Variants in ATOSA observed in about 807,000 individuals in gnomAD.
ATOSA encodes atos homolog A, also known as atos homolog protein A.
chr15:52,628,740 G>C, the ATOSA span, among the ~76,000 whole-genome samples: 1 of 152,080 alleles, frequency 6.6e-6, no homozygotes, highest in Non-Finnish European at 1.5e-5. Context: ...CATGTGATTA[G>C]TTTTTATGTA....
chr15:52,686,176 G>A, the ATOSA span, among the ~76,000 whole-genome samples: 295 of 152,292 alleles, frequency 1.9e-3, 1 homozygote, highest in African/African-American at 7.0e-3. Context: ...TCATGAGCTG[G>A]TAGAGATACT....
the ATOSA span, among the ~76,000 whole-genome samples, chr15:52,662,153 T>G: frequency 6.6e-6 from 1 of 152,142 alleles, no homozygotes; most frequent in African/African-American, 2.4e-5. Context: ...CAAACCTCAC[T>G]CTTATGACCA....
the ATOSA span, among the ~76,000 whole-genome samples, chr15:52,660,607 TAAC>T: frequency 6.6e-6 from 1 of 152,202 alleles, no homozygotes; most frequent in African/African-American, 2.4e-5. Context: ...TTATTAACAA[TAAC>T]AACAGGCAAA....
At chr15:52,631,099 G>A in the ATOSA span, among the ~76,000 whole-genome samples, 2 of 152,152 alleles carry the variant, frequency 1.3e-5, no homozygotes, top group Admixed American at 6.5e-5. Context: ...AGGTCATTTT[G>A]CTGTTCTCTA....
At chr15:52,593,564 TA>T in the ATOSA span, 3 of 1,546,932 alleles carry the variant, frequency 1.9e-6, no homozygotes, top group Admixed American at 2.0e-5. Flanking sequence ...ACATACAATA[TA>T]AAAAATACTT....
At chr15:52,610,188 T>C in the ATOSA span, 4 of 1,614,008 alleles carry the variant, frequency 2.5e-6, no homozygotes, top group African/African-American at 2.7e-5. Context: ...TAAGTTTATG[T>C]TGTTGAATTC....
chr15:52,670,741 C>T, the ATOSA span, among the ~76,000 whole-genome samples: 1 of 152,198 alleles, frequency 6.6e-6, no homozygotes, highest in Non-Finnish European at 1.5e-5. Flanking sequence ...AGACCTGGCC[C>T]TTTGCACATC....
At chr15:52,637,138 T>C in the ATOSA span, among the ~76,000 whole-genome samples, 1 of 152,168 alleles carries the variant, frequency 6.6e-6, no homozygotes, top group East Asian at 1.9e-4. Flanking sequence ...GCTACATGTA[T>C]TTATCATTTT....
At chr15:52,584,911 T>C in the ATOSA span, 5 of 1,612,694 alleles carry the variant, frequency 3.1e-6, no homozygotes, top group Non-Finnish European at 4.2e-6. Flanking sequence ...ACAACAAACA[T>C]CTTCACCACA....
chr15:52,694,829 T>C, the ATOSA span, among the ~76,000 whole-genome samples: 1 of 152,156 alleles, frequency 6.6e-6, no homozygotes, highest in South Asian at 2.1e-4. Context: ...CTATTATACC[T>C]TTTAAAATTT....
At chr15:52,674,303 G>A in the ATOSA span, among the ~76,000 whole-genome samples, 10 of 152,002 alleles carry the variant, frequency 6.6e-5, no homozygotes, top group East Asian at 7.7e-4. Context: ...AACCCTCCTC[G>A]GGCTCCCAAA....
chr15:52,635,530 C>T, the ATOSA span, among the ~76,000 whole-genome samples: 2 of 151,274 alleles, frequency 1.3e-5, no homozygotes, highest in East Asian at 1.9e-4. Context: ...CCTGCCTCTA[C>T]ACACACACAC....
At chr15:52,675,767 G>T in the ATOSA span, among the ~76,000 whole-genome samples, 1 of 152,158 alleles carries the variant, frequency 6.6e-6, no homozygotes, top group Admixed American at 6.5e-5. Flanking sequence ...AATTAGCCGG[G>T]CGTGGAGGCG....
the ATOSA span, among the ~76,000 whole-genome samples, chr15:52,599,207 G>T: frequency 6.6e-6 from 1 of 152,108 alleles, no homozygotes; most frequent in South Asian, 2.1e-4. Flanking sequence ...TGTAGTACAT[G>T]TCTCAAAAGG....
chr15:52,663,779 C>T, the ATOSA span, among the ~76,000 whole-genome samples: 4 of 152,194 alleles, frequency 2.6e-5, no homozygotes, highest in African/African-American at 9.6e-5. Context: ...CTCAACAAGC[C>T]CAGCTAATTT....
At chr15:52,593,661 C>A in the ATOSA span, 4 of 1,560,000 alleles carry the variant, frequency 2.6e-6, no homozygotes, top group South Asian at 4.7e-5. Flanking sequence ...GGGCAGAAAG[C>A]ACCACTTGCC....
chr15:52,655,542 G>A, the ATOSA span, among the ~76,000 whole-genome samples: 4 of 152,110 alleles, frequency 2.6e-5, no homozygotes, highest in Non-Finnish European at 5.9e-5. Flanking sequence ...CCAAATCCTA[G>A]CTCTGATCAG....
the ATOSA span, among the ~76,000 whole-genome samples, chr15:52,675,856 A>G: frequency 6.6e-6 from 1 of 151,934 alleles, no homozygotes; most frequent in African/African-American, 2.4e-5. Flanking sequence ...CAGTGAGCGG[A>G]GATTGCGCCA....
chr15:52,628,702 A>G, the ATOSA span, among the ~76,000 whole-genome samples: 10 of 152,210 alleles, frequency 6.6e-5, no homozygotes, highest in Non-Finnish European at 1.3e-4. Flanking sequence ...ATAGATTAAA[A>G]GCTTACATGA....
Sources: allele counts gnomAD v4.1 joint callset (sites outside exome capture counted in the v4.1 genomes callset), GRCh38; gene constraint gnomAD v4.1.1; transcripts MANE v1.5; gene names NCBI Gene and HGNC (gene_info 2026-07-23, HGNC 2026-07-21).